SP100: variants seen among roughly 807,000 people sequenced by gnomAD.
SP100 encodes nuclear autoantigen Sp-100.
SP100 carries 84 observed loss-of-function variants against 130.0 expected under a neutral mutation model. The observed-to-expected ratio is 0.65, with a 90% confidence interval of 0.54 to 0.77. The LOEUF (loss-of-function observed/expected upper bound fraction) is 0.77, where lower values mean the gene tolerates loss of function less well. Among genes scored for constraint, SP100 ranks in the 30% least tolerant of loss-of-function variants. The probability of loss-of-function intolerance (pLI) is 0.00; values close to 1 mark genes in which losing one functional copy is unlikely to be tolerated. For missense variants in SP100, 978 were observed against 1,052.2 expected (o/e 0.93, Z 0.97); for synonymous variants, 331 against 351.7 (o/e 0.94, Z 0.66).
intron 19 of SP100, 95 bp downstream of exon 19, chr2:230,498,630 A>G (rs1158574074): frequency 4.9e-6 from 3 of 618,416 alleles, no homozygotes; most frequent in Non-Finnish European, 7.5e-6. Context: ...ATGTAGCTGT[A>G]CTTACTGTTG....
At chr2:230,429,193 C>T (rs1236325558) in intron 2 of SP100, among the ~76,000 whole-genome samples, 2 of 152,150 alleles carry the variant, frequency 1.3e-5, no homozygotes, top group Admixed American at 1.3e-4. Context: ...ATCTCTCCTT[C>T]ACTTCTGAAG....
intron 21 of SP100, 37 bp from the exon 22 acceptor site, chr2:230,506,266 T>C (rs1432990438): frequency 6.2e-7 from 1 of 1,608,472 alleles, no homozygotes; most frequent in East Asian, 2.2e-5. Context: ...TCAGGTGTTT[T>C]CACAGTTGGG....
At chr2:230,455,414 C>A (rs933415526) in intron 8 of SP100, among the ~76,000 whole-genome samples, 1 of 152,158 alleles carries the variant, frequency 6.6e-6, no homozygotes, top group Admixed American at 6.5e-5. Context: ...CAAACTGTAT[C>A]TCATCTGACG....
intron 8 of SP100, among the ~76,000 whole-genome samples, chr2:230,452,766 A>G (rs2149934351): frequency 7.3e-6 from 1 of 136,094 alleles, no homozygotes. Context: ...TGATTTTTGT[A>G]TGTTGCGTTT....
In SP100 at chr2:230,466,307, T is replaced by C. The variant is rs930565351; in HGVS notation, c.1148T>C (p.Met383Thr). 3 of 1,577,718 alleles carry C rather than the reference T, an allele frequency of 1.9e-6. No homozygotes were observed. The highest frequency in any genetic ancestry group is 1.1e-5 in the South Asian group (1 of 89,752). ...CSRPQIVPEPMDFRKLSTFRE... is the reference protein window; with the variant it reads ...CSRPQIVPEPTDFRKLSTFRE... ...TCTCCCTTTTACTTTACAGAGCCCA[T>C]GGATTTCAGAAAATTATCTACATTC... Residue 383 changes from methionine to threonine, a missense_variant, in exon 12 of 29, where the codon ATG (methionine) becomes ACG (threonine). Met to Thr is a moderately conservative substitution (Grantham distance 81, BLOSUM62 -1). Coordinates refer to ENST00000340126, the MANE Select transcript of SP100 (RefSeq NM_001080391.2).
At chr2:230,471,037 AACAG>A (rs1390428236) in intron 15 of SP100, among the ~76,000 whole-genome samples, 1 of 152,320 alleles carries the variant, frequency 6.6e-6, no homozygotes, top group Non-Finnish European at 1.5e-5. Flanking sequence ...AAAAATCGCA[AACAG>A]ACAGAGATAA....
chr2:230,477,944 C>CCCTGTCTAAAAAAAAAAAA (rs2065647995), intron 17 of SP100, among the ~76,000 whole-genome samples: 1 of 134,508 alleles, frequency 7.4e-6, no homozygotes, highest in Non-Finnish European at 1.6e-5. Context: ...CAAAACAAAA[C>CCCTGTCTAAAAAAAAAAAA]AAACAAAAAA....
intron 16 of SP100, 73 bp from the exon 17 acceptor site, chr2:230,474,321 T>G: frequency 1.3e-6 from 1 of 788,288 alleles, no homozygotes; most frequent in Non-Finnish European, 2.2e-6. Context: ...TTCCATGCAG[T>G]GTGAATTGTC....
At chr2:230,445,604 A>T (rs1454860631) in intron 4 of SP100, among the ~76,000 whole-genome samples, 4 of 152,242 alleles carry the variant, frequency 2.6e-5, no homozygotes, top group Non-Finnish European at 5.9e-5. Context: ...TATCTAAATT[A>T]ATAATAAAAT....
chr2:230,483,647 G>A lies in SP100; in HGVS notation c.1600+9200G>A, dbSNP rs114863377. ...GTAAGGAGGCTATTGCAATGGTCTCGGAAGGGTGATGGTGAATTGGACTAA... is the reference window on the plus strand; with the variant it reads ...GTAAGGAGGCTATTGCAATGGTCTCAGAAGGGTGATGGTGAATTGGACTAA... On this transcript the variant is annotated intron_variant, in intron 17 of 28. Coordinates refer to ENST00000340126, the MANE Select transcript of SP100 (RefSeq NM_001080391.2). Among the ~76,000 whole-genome samples, 504 of 152,288 alleles carry A rather than the reference G, an allele frequency of 3.3e-3. 1 individual carries two copies. The highest frequency in any genetic ancestry group is 0.014 in the Middle Eastern group (4 of 294).
intron 6 of SP100, 69 bp from the exon 7 acceptor site, chr2:230,449,492 T>C (rs998265670): frequency 2.9e-5 from 45 of 1,548,880 alleles, no homozygotes; most frequent in Non-Finnish European, 3.5e-5. Context: ...GCCCGTGCTG[T>C]AGTGGTTGGA....
At chr2:230,477,350 T>C (rs1033415863) in intron 17 of SP100, among the ~76,000 whole-genome samples, 2 of 152,122 alleles carry the variant, frequency 1.3e-5, no homozygotes, top group African/African-American at 4.8e-5. Context: ...TGTAGTCAAA[T>C]TTGTCAGCCT....
At position 230,504,269 on chromosome 2, in the gene SP100, T is replaced by C. The variant is rs1354807690; in HGVS notation, c.1849T>C (p.Tyr617His). The C allele has an allele frequency of 6.2e-7, 1 of 1,604,472 alleles. No homozygotes were observed. The highest frequency in any genetic ancestry group is 8.5e-7 in the Non-Finnish European group (1 of 1,172,116). The part of the protein sequence containing the change: ...VTCGEVKGTL[Y>H]KERFKQGTSK... ...CTGTGGTGAGGTGAAGGGCACTCTA[T>C]ATAAGGAGCGATTCAAACAAGGTGA... The change falls in exon 21 of 29, where the codon TAT becomes CAT. Residue 617 changes from tyrosine (Y) to histidine (H), a missense_variant. Coordinates refer to ENST00000340126, the MANE Select transcript of SP100 (RefSeq NM_001080391.2).
intron 17 of SP100, among the ~76,000 whole-genome samples, chr2:230,476,971 T>C (rs2065582452): frequency 6.6e-6 from 1 of 152,184 alleles, no homozygotes; most frequent in Non-Finnish European, 1.5e-5. Context: ...GTTCACACCA[T>C]TCTCCTGCCT....
Position 230,515,656 on chromosome 2 carries a change from GT to G in SP100, c.2094+4497del, listed in dbSNP as rs139703144. On this transcript the variant is annotated intron_variant, in intron 24 of 28. Coordinates refer to ENST00000340126, the MANE Select transcript of SP100 (RefSeq NM_001080391.2). ...TGATAAATAAGTTGCTTCTAGTGCA[GT>G]TTTTTTCTTGTCTATAAAGCATTTA... is the stretch of plus-strand genomic sequence containing the variant. The G allele has an allele frequency of 1.3e-3, 2,034 of 1,588,098 alleles. 22 individuals carry two copies. In the African/African-American group the frequency reaches 0.025, roughly 19 times the overall value.
intron 17 of SP100, among the ~76,000 whole-genome samples, chr2:230,484,227 T>C (rs2065962582): frequency 6.6e-6 from 1 of 152,220 alleles, no homozygotes; most frequent in African/African-American, 2.4e-5. Flanking sequence ...AAGCATCACC[T>C]TGTTTGACCT....
chr2:230,495,531 G>A (rs2066621970), intron 18 of SP100, among the ~76,000 whole-genome samples: 1 of 152,154 alleles, frequency 6.6e-6, no homozygotes, highest in African/African-American at 2.4e-5. Flanking sequence ...TGTTGGCCAG[G>A]CTGGTCTTGA....
chr2:230,462,441 G>A lies in SP100; in HGVS notation c.980G>A (p.Ser327Asn). ...TTTTTGCTCCTTTGTGCAGTCATCA[G>A]CAGTGAGGACTCTGAAGGATCCACT... ...HNQASDIIVI[S>N]SEDSEGSTDV... Residue 327 changes from serine (S) to asparagine (N), a missense_variant, in exon 10 of 29, where the codon AGC (serine) becomes AAC (asparagine). Coordinates refer to ENST00000340126, the MANE Select transcript of SP100 (RefSeq NM_001080391.2). 1 of 1,612,802 alleles carries A rather than the reference G, an allele frequency of 6.2e-7. No homozygotes were observed. The highest frequency in any genetic ancestry group is 8.5e-7 in the Non-Finnish European group (1 of 1,178,894).
intron 8 of SP100, among the ~76,000 whole-genome samples, chr2:230,452,334 C>T (rs1044031115): frequency 3.3e-5 from 5 of 152,056 alleles, no homozygotes; most frequent in Non-Finnish European, 5.9e-5. Flanking sequence ...TACTCCACCA[C>T]GCCCAGCTAA....
Sources: gnomAD v4.1 joint callset for allele counts (sites outside exome capture counted in the v4.1 genomes callset) on GRCh38, gnomAD v4.1.1 for gene constraint, MANE v1.5 for transcripts, NCBI Gene and HGNC (gene_info 2026-07-23, HGNC 2026-07-21) for gene names.